Variants in SUGCT observed in about 807,000 individuals in gnomAD.
The protein encoded by SUGCT is succinyl-CoA:glutarate CoA-transferase.
Under a neutral mutation model 55.0 loss-of-function variants are expected in SUGCT, and 41 were observed. The observed-to-expected ratio is 0.74, with a 90% CI of 0.58 to 0.97. SUGCT has a LOEUF of 0.97. Among genes scored for constraint, SUGCT ranks in the 50% least tolerant of loss-of-function variants. The pLI, the probability that SUGCT is intolerant of heterozygous loss-of-function variation, is 0.00. For synonymous variants in SUGCT, 187 were observed against 200.4 expected, an observed-to-expected ratio of 0.93 and a Z score of 0.56; for missense variants, 568 against 547.8, an observed-to-expected ratio of 1.04 and a Z score of -0.37.
At chr7:40,946,913 C>G in the SUGCT span, among the ~76,000 whole-genome samples, 2 of 152,146 alleles carry the variant, frequency 1.3e-5, no homozygotes, top group African/African-American at 4.8e-5. Context: ...TATCCTTTGA[C>G]AGCTTGATTG....
At chr7:40,219,642 A>G (rs1787911964) in intron 6 of SUGCT, among the ~76,000 whole-genome samples, 1 of 152,088 alleles carries the variant, frequency 6.6e-6, no homozygotes, top group Non-Finnish European at 1.5e-5. Context: ...TCTCTCCACC[A>G]GGTATGCCAA....
chr7:40,967,109 C>T, the SUGCT span: 1 of 152,202 alleles, frequency 6.6e-6, no homozygotes, highest in Non-Finnish European at 1.5e-5. Context: ...TTAGGTGTTT[C>T]TCAGGTTCTT....
chr7:40,285,285 G>C (rs1365661475), intron 8 of SUGCT, among the ~76,000 whole-genome samples: 1 of 152,054 alleles, frequency 6.6e-6, no homozygotes, highest in Non-Finnish European at 1.5e-5. Context: ...TGTCCTTGGA[G>C]AACCTAGTAG....
At chr7:40,940,721 C>T in the SUGCT span, among the ~76,000 whole-genome samples, 163 of 152,130 alleles carry the variant, frequency 1.1e-3, 1 homozygote, top group African/African-American at 3.7e-3. Context: ...GGTTTGTATA[C>T]GTTGATTTTG....
chr7:40,780,302 G>A (rs76773377), intron 13 of SUGCT, among the ~76,000 whole-genome samples: 14,307 of 152,096 alleles, frequency 0.094, 723 homozygotes, highest in Middle Eastern at 0.18. Flanking sequence ...TTTAAATTTT[G>A]CTATAATACC....
At chr7:40,272,070 T>G (rs1312933750) in intron 7 of SUGCT, among the ~76,000 whole-genome samples, 10 of 16,644 alleles carry the variant, frequency 6.0e-4, no homozygotes, top group African/African-American at 2.0e-3. Flanking sequence ...TCTGTCTCGC[T>G]CTCTCTCTCT....
chr7:40,724,686 A>T (rs1328933040), intron 12 of SUGCT, among the ~76,000 whole-genome samples: 1 of 150,302 alleles, frequency 6.7e-6, no homozygotes, highest in African/African-American at 2.4e-5. Flanking sequence ...TATGTATTAT[A>T]TGTAAGTTTT....
intron 5 of SUGCT, among the ~76,000 whole-genome samples, chr7:40,190,316 C>T (rs1273243170): frequency 6.6e-6 from 1 of 152,170 alleles, no homozygotes; most frequent in Non-Finnish European, 1.5e-5. Context: ...GTGGCATGAT[C>T]TCAGCTCACT....
chr7:40,989,011 TA>T, the SUGCT span, among the ~76,000 whole-genome samples: 5 of 151,722 alleles, frequency 3.3e-5, no homozygotes. Flanking sequence ...TCAGTGCAAA[TA>T]AAAATGATAT....
intron 9 of SUGCT, among the ~76,000 whole-genome samples, chr7:40,372,263 G>T (rs1182555828): frequency 6.6e-6 from 1 of 152,016 alleles, no homozygotes; most frequent in Non-Finnish European, 1.5e-5. Flanking sequence ...TAGTCATCTG[G>T]AATTTTGAAG....
chr7:40,517,899 G>T (rs1046618660), intron 12 of SUGCT, among the ~76,000 whole-genome samples: 1 of 152,066 alleles, frequency 6.6e-6, no homozygotes, highest in Non-Finnish European at 1.5e-5. Context: ...GCCACAAAAG[G>T]ATGCATATTA....
At chr7:40,505,821 T>G (rs115736057) in intron 12 of SUGCT, among the ~76,000 whole-genome samples, 1,587 of 152,194 alleles carry the variant, frequency 0.01, 31 homozygotes, top group African/African-American at 0.035. Context: ...AGTAATCTTT[T>G]TGTTAACCCT....
intron 12 of SUGCT, among the ~76,000 whole-genome samples, chr7:40,570,877 T>TC (rs1796412451): frequency 2.9e-5 from 4 of 136,312 alleles, no homozygotes; most frequent in Non-Finnish European, 3.1e-5. Flanking sequence ...TTTTTTTTTT[T>TC]CAGTTGGAGC....
At chr7:40,575,976 T>C (rs1437946213) in intron 12 of SUGCT, among the ~76,000 whole-genome samples, 3 of 151,522 alleles carry the variant, frequency 2.0e-5, no homozygotes, top group Non-Finnish European at 4.4e-5. Context: ...AAGAAAGAGT[T>C]GTATGTAACT....
At chr7:40,934,708 G>A in the SUGCT span, among the ~76,000 whole-genome samples, 92 of 152,332 alleles carry the variant, frequency 6.0e-4, no homozygotes, top group African/African-American at 2.1e-3. Context: ...TGCTGCGCTA[G>A]CAGTGAGCAA....
intron 12 of SUGCT, among the ~76,000 whole-genome samples, chr7:40,625,072 T>C (rs1373952388): frequency 6.6e-6 from 1 of 152,070 alleles, no homozygotes; most frequent in Non-Finnish European, 1.5e-5. Flanking sequence ...TAAAATTGCC[T>C]CAATCCCCCA....
intron 12 of SUGCT, among the ~76,000 whole-genome samples, chr7:40,654,390 C>T (rs1327629100): frequency 6.6e-6 from 1 of 152,198 alleles, no homozygotes. Flanking sequence ...TTCGTTATTA[C>T]ATTTTGATGT....
At chr7:40,675,207 C>T (rs796070885) in intron 12 of SUGCT, among the ~76,000 whole-genome samples, 8 of 151,818 alleles carry the variant, frequency 5.3e-5, no homozygotes, top group South Asian at 4.1e-4. Context: ...ATTACAGGCA[C>T]GTGCCACTAT....
intron 8 of SUGCT, among the ~76,000 whole-genome samples, chr7:40,289,080 A>G (rs1480488713): frequency 6.6e-6 from 1 of 152,184 alleles, no homozygotes. Flanking sequence ...AATAGTCTCC[A>G]AAGATGTCAA....
Sources: gnomAD v4.1 joint callset for allele counts (sites outside exome capture counted in the v4.1 genomes callset) on GRCh38, gnomAD v4.1.1 for gene constraint, MANE v1.5 for transcripts, NCBI Gene and HGNC (gene_info 2026-07-23, HGNC 2026-07-21) for gene names.